LMO3: variants seen among roughly 807,000 people sequenced by gnomAD.
LMO3 encodes the protein LIM domain only protein 3.
In LMO3, 2 loss-of-function variants were observed where a neutral mutation model predicts 15.8. The ratio of observed to expected loss-of-function variants is 0.13; its 90% CI spans 0.05 to 0.40. LMO3 has a LOEUF of 0.40. Among genes scored for constraint, LMO3 ranks in the 10% least tolerant of loss-of-function variants. The pLI is 0.99. For synonymous variants in LMO3, 62 were observed against 63.8 expected (o/e 0.97, Z 0.13); for missense variants, 86 against 182.2 (o/e 0.47, Z 3.04).
chr12:16,594,868 A>G (rs991018610), intron 2 of LMO3, among the ~76,000 whole-genome samples: 18 of 151,628 alleles, frequency 1.2e-4, no homozygotes, highest in Admixed American at 1.1e-3. Context: ...ATTAAAATTT[A>G]TTATTAGTCA....
intron 3 of LMO3, among the ~76,000 whole-genome samples, chr12:16,553,423 A>C (rs992974055): frequency 2.0e-5 from 3 of 152,128 alleles, no homozygotes; most frequent in African/African-American, 7.2e-5. Context: ...CATAACTTTA[A>C]AAAAGTCTGC....
Position 16,589,304 on chromosome 12 carries a change from G to A in LMO3, c.206+11351C>T, listed in dbSNP as rs1943417952. Among the ~76,000 whole-genome samples the A allele has an allele frequency of 6.6e-6, 1 of 152,016 alleles. No individual in the cohort carries two copies. The highest frequency in any genetic ancestry group is 2.4e-5 in the African/African-American group (1 of 41,424). On this transcript the variant is annotated intron_variant, in intron 2 of 3. Transcript: ENST00000537304. The surrounding 1 kb of genome is among the most constrained non-coding windows in gnomAD (Gnocchi z 4.2). ...ACTGATGATCATTGATGGAGAAGGGGCAATACCTAATGTAGTAGAATAATG... is the reference window on the plus strand; with the variant it reads ...ACTGATGATCATTGATGGAGAAGGGACAATACCTAATGTAGTAGAATAATG...
Position 16,604,993 on chromosome 12 carries a change from T to C in LMO3, c.-9+1073A>G. Reference sequence around the variant, plus strand: ...CCTTGATTTCGCTTAAGTGTGGACCTGGTGCGCAGCCTACACCGCCGAGGA... The same window carrying C: ...CCTTGATTTCGCTTAAGTGTGGACCCGGTGCGCAGCCTACACCGCCGAGGA... On this transcript the variant is annotated intron_variant, in intron 1 of 3. Coordinates refer to ENST00000537304, the MANE Select transcript of LMO3 (RefSeq NM_018640.5). This position sits in a 1 kb window ranked among gnomAD's most constrained non-coding sequence, Gnocchi z 5.3. 6.3e-7 allele frequency: 1 copy of C among 1,595,174 alleles called. No individual in the cohort carries two copies. Among genetic ancestry groups the C allele is most frequent in the Admixed American group, 1.7e-5 (1 of 59,752 alleles).
At chr12:16,571,012 AC>A (rs1422260727) in intron 2 of LMO3, among the ~76,000 whole-genome samples, 1 of 152,138 alleles carries the variant, frequency 6.6e-6, no homozygotes, top group Non-Finnish European at 1.5e-5. Flanking sequence ...GTGCACATGT[AC>A]CCTAAAACTT....
intron 2 of LMO3, among the ~76,000 whole-genome samples, chr12:16,583,488 A>T (rs913373768): frequency 3.9e-5 from 6 of 152,194 alleles, no homozygotes; most frequent in African/African-American, 1.4e-4. Flanking sequence ...TAAAATGAAG[A>T]CACACAGAAT....
At chr12:16,608,219 A>AGAGG (rs1202379355), upstream of LMO3, 2 of 141,372 alleles carry the variant, frequency 1.4e-5, no homozygotes, top group Non-Finnish European at 3.1e-5. This position sits in a 1 kb window ranked among gnomAD's most constrained non-coding sequence, Gnocchi z 4.1. Context: ...GAAGAAGAAA[A>AGAGG]GAGGGAGGGA....
At chr12:16,601,292 C>T (rs1943814587) in intron 1 of LMO3, among the ~76,000 whole-genome samples, 1 of 152,174 alleles carries the variant, frequency 6.6e-6, no homozygotes, top group Non-Finnish European at 1.5e-5. Context: ...TTTTGCTTAA[C>T]TGTTTAAAAA....
rs778834469 is a variant in LMO3 at position 16,560,827 on chromosome 12, G to A, written c.207-289C>T. The A allele has an allele frequency of 7.0e-6, 3 of 428,084 alleles. No homozygotes were observed. Among genetic ancestry groups the A allele is most frequent in the African/African-American group, 2.1e-5 (1 of 48,524 alleles). The allele number at this position is 428,084 out of a possible 1,614,324, so 26.5% of individuals were successfully genotyped here. ...AGAAGTCAATGGGGGTGAATTCATA[G>A]CAAAAATCTCTGGGTTAGAGTATAT... On this transcript the variant is annotated intron_variant, in intron 2 of 3. Coordinates refer to ENST00000537304, the MANE Select transcript of LMO3 (RefSeq NM_018640.5). This position sits in a 1 kb window ranked among gnomAD's most constrained non-coding sequence, Gnocchi z 5.0.
rs145977478 is a variant in LMO3, at chr12:16,567,197, AAAACAAAC to A, written c.207-6667_207-6660del. 3.3e-3 allele frequency among the ~76,000 whole-genome samples: 502 copies of A among 151,446 alleles called. 4 individuals are homozygous for A. Among genetic ancestry groups the A allele is most frequent in the African/African-American group, 0.012 (477 of 41,180 alleles). On this transcript the variant is annotated intron_variant, in intron 2 of 3. Coordinates refer to ENST00000537304, the MANE Select transcript of LMO3 (RefSeq NM_018640.5). The stretch of plus-strand genomic sequence containing the variant: ...GGCAATAAGAGTGAAACTCCACCTC[AAAACAAAC>A]AAACAAACAAACAAACAAACAAAAA...
In LMO3 at chr12:16,583,410, CAT is replaced by C. The variant is rs536866094; in HGVS notation, c.206+17243_206+17244del. Among the ~76,000 whole-genome samples, 13 of 151,944 alleles carry C rather than the reference CAT, an allele frequency of 8.6e-5. No individual in the cohort carries two copies. In the South Asian group the frequency reaches 2.7e-3, roughly 32 times the overall value. On this transcript the variant is annotated intron_variant, in intron 2 of 3. Coordinates refer to ENST00000537304, the MANE Select transcript of LMO3 (RefSeq NM_018640.5). The stretch of plus-strand genomic sequence containing the variant: ...AGAACAGAAAAATCTTGGGTACAGC[CAT>C]ATGTTGACAGTCAAGTAATTGTAGA...
chr12:16,574,713 G>T (rs1054874399), intron 2 of LMO3, among the ~76,000 whole-genome samples: 3 of 152,088 alleles, frequency 2.0e-5, no homozygotes, highest in African/African-American at 7.2e-5. Context: ...GTTTCCAACC[G>T]CAAAGGATTT....
rs1223389094 is a variant in LMO3, at chr12:16,585,091, C to T, written c.206+15564G>A. Among the ~76,000 whole-genome samples the T allele has an allele frequency of 2.6e-5, 4 of 152,006 alleles. No homozygotes were observed. Among genetic ancestry groups the T allele is most frequent in the African/African-American group, 9.7e-5 (4 of 41,390 alleles). ...TCCAGAAAAATCAGCAACATTAGGCCCACATTCGTACAGTGTGCTGGAATT... is the reference window on the plus strand; with the variant it reads ...TCCAGAAAAATCAGCAACATTAGGCTCACATTCGTACAGTGTGCTGGAATT... On this transcript the variant is annotated intron_variant, in intron 2 of 3. Coordinates refer to ENST00000537304, the MANE Select transcript of LMO3 (RefSeq NM_018640.5). The surrounding 1 kb of genome is among the most constrained non-coding windows in gnomAD (Gnocchi z 4.7).
chr12:16,566,059 C>T (rs1327134910), intron 2 of LMO3, among the ~76,000 whole-genome samples: 39 of 104,300 alleles, frequency 3.7e-4, no homozygotes, highest in African/African-American at 1.3e-3. Context: ...TACTATTCAG[C>T]CATAAAAAAG....
At chr12:16,579,473 G>A (rs1271197601) in intron 2 of LMO3, among the ~76,000 whole-genome samples, 2 of 152,216 alleles carry the variant, frequency 1.3e-5, no homozygotes, top group East Asian at 1.9e-4. Flanking sequence ...TGGTATATCA[G>A]TAGCTTAAAA....
chr12:16,578,870 C>T (rs566471398), intron 2 of LMO3, among the ~76,000 whole-genome samples: 2 of 151,618 alleles, frequency 1.3e-5, no homozygotes, highest in South Asian at 4.2e-4. Flanking sequence ...AACATTAATT[C>T]ACTAGAAGAA....
chr12:16,560,239 T>G lies in LMO3; in HGVS notation c.332+174A>C, dbSNP rs903026773. 6.6e-6 allele frequency among the ~76,000 whole-genome samples: 1 copy of G among 152,190 alleles called. No individual in the cohort carries two copies. The highest frequency in any genetic ancestry group is 6.5e-5 in the Admixed American group (1 of 15,276). ...TTTTCTTTCAGGTAGAAGTAAGTCTTAAGACCTTTCTTCTCCTTAGTAGCT... is the reference window on the plus strand; with the variant it reads ...TTTTCTTTCAGGTAGAAGTAAGTCTGAAGACCTTTCTTCTCCTTAGTAGCT... On this transcript the variant is annotated intron_variant, in intron 3 of 3. Transcript: ENST00000537304. This position sits in a 1 kb window ranked among gnomAD's most constrained non-coding sequence, Gnocchi z 5.0.
intron 2 of LMO3, among the ~76,000 whole-genome samples, chr12:16,574,987 T>C (rs1942946128): frequency 6.6e-6 from 1 of 152,156 alleles, no homozygotes. Context: ...TGAAGTATGA[T>C]ACATAGTATG....
chr12:16,554,805 C>T (rs1310232795), intron 3 of LMO3, among the ~76,000 whole-genome samples: 2 of 152,130 alleles, frequency 1.3e-5, no homozygotes, highest in Non-Finnish European at 2.9e-5. Context: ...TACAGGCGCC[C>T]GCCACCTCGA....
intron 2 of LMO3, among the ~76,000 whole-genome samples, chr12:16,572,615 G>A (rs748980886): frequency 1.9e-4 from 28 of 148,566 alleles, no homozygotes; most frequent in East Asian, 5.9e-4. Flanking sequence ...TAATATCCAC[G>A]TATATCCAAC....
Sources: allele counts gnomAD v4.1 joint callset (sites outside exome capture counted in the v4.1 genomes callset), GRCh38; gene constraint gnomAD v4.1.1; non-coding constraint Gnocchi (gnomAD v3.1); transcripts MANE v1.5; gene names NCBI Gene and HGNC (gene_info 2026-07-23, HGNC 2026-07-21).